Variants in WWOX observed in about 807,000 individuals in gnomAD.
WWOX encodes the protein WW domain containing oxidoreductase.
In WWOX, 69 loss-of-function variants were observed where a neutral mutation model predicts 46.2. The ratio of observed to expected loss-of-function variants is 1.49; its 90% CI spans 1.23 to 1.82. WWOX has a LOEUF of 1.82. Ranked by LOEUF, WWOX falls within the 40% of genes most tolerant of loss-of-function variation. The pLI is 0.00. For synonymous variants in WWOX, 359 were observed against 202.6 expected, an observed-to-expected ratio of 1.77 and a Z score of -6.56; for missense variants, 919 against 542.6, an observed-to-expected ratio of 1.69 and a Z score of -6.89.
chr16:78,766,446 G>A (rs2049926665), intron 8 of WWOX, among the ~76,000 whole-genome samples: 1 of 152,140 alleles, frequency 6.6e-6, no homozygotes, highest in African/African-American at 2.4e-5. Context: ...AATTTAGCCG[G>A]CTGTCGTGTC....
chr16:78,240,538 TGA>T (rs2037608206), intron 5 of WWOX, among the ~76,000 whole-genome samples: 1 of 152,050 alleles, frequency 6.6e-6, no homozygotes, highest in African/African-American at 2.4e-5. Flanking sequence ...TCCTGAACTG[TGA>T]GAGTCAGTTT....
chr16:78,514,956 A>C (rs556639256), intron 8 of WWOX, among the ~76,000 whole-genome samples: 5 of 152,168 alleles, frequency 3.3e-5, no homozygotes, highest in Non-Finnish European at 7.3e-5. Context: ...TTTGAGGCTC[A>C]TGGCTATAAT....
intron 5 of WWOX, among the ~76,000 whole-genome samples, chr16:78,240,707 G>A (rs370014932): frequency 1.3e-5 from 2 of 152,252 alleles, no homozygotes; most frequent in Admixed American, 1.3e-4. Flanking sequence ...CAGCCGTCTC[G>A]TGTTATGCAT....
Position 78,339,379 on chromosome 16 carries a change from A to C in WWOX, c.517-47481A>C, listed in dbSNP as rs1188080181. On this transcript the variant is annotated intron_variant, in intron 5 of 8. Transcript: ENST00000566780. Reference sequence around the variant, plus strand: ...TTCCTTTTATTAGAAAAAAAAAAAAAAACAACTCCCCTGGAGCCTTTGTAC... The same window carrying C: ...TTCCTTTTATTAGAAAAAAAAAAAACAACAACTCCCCTGGAGCCTTTGTAC... Among the ~76,000 whole-genome samples the C allele has an allele frequency of 7.1e-5, 8 of 113,196 alleles. No homozygotes were observed. The East Asian group carries it at 1.6e-3, about 22-fold the overall frequency. The allele number at this position is 113,196 out of a possible 152,430, so 74.3% of individuals were successfully genotyped here.
chr16:79,187,595 C>G (rs546630573), intron 8 of WWOX, among the ~76,000 whole-genome samples: 14 of 152,296 alleles, frequency 9.2e-5, no homozygotes, highest in African/African-American at 3.1e-4. Context: ...TTAGTGGAGA[C>G]AGGGTTTCAC....
chr16:78,991,094 G>A (rs1480474877), intron 8 of WWOX, among the ~76,000 whole-genome samples: 3 of 152,222 alleles, frequency 2.0e-5, no homozygotes, highest in Non-Finnish European at 4.4e-5. Context: ...GCTTCCCAAA[G>A]AAGAGTTGTG....
At chr16:78,905,491 C>A (rs971432287) in intron 8 of WWOX, among the ~76,000 whole-genome samples, 6 of 152,176 alleles carry the variant, frequency 3.9e-5, no homozygotes, top group Non-Finnish European at 8.8e-5. Flanking sequence ...AAGTAATCCT[C>A]CCACCTCAGC....
rs547706527 is a variant in WWOX at position 78,924,381 on chromosome 16, A to C, written c.1057-287227A>C. Among the ~76,000 whole-genome samples, 6 of 152,318 alleles carry C rather than the reference A, an allele frequency of 3.9e-5. No homozygotes were observed. The East Asian group carries it at 1.2e-3, about 29-fold the overall frequency. On this transcript the variant is annotated intron_variant, in intron 8 of 8. Transcript: ENST00000566780. ...GCCATCATATCATCATCAAAAATGGAACTTGTCTATCCACAAATATTTATT... is the reference window on the plus strand; with the variant it reads ...GCCATCATATCATCATCAAAAATGGCACTTGTCTATCCACAAATATTTATT...
chr16:78,516,720 C>G (rs2043243413), intron 8 of WWOX, among the ~76,000 whole-genome samples: 2 of 152,190 alleles, frequency 1.3e-5, no homozygotes, highest in Non-Finnish European at 2.9e-5. Flanking sequence ...ATGATCCTTA[C>G]TTAGCATAAT....
intron 8 of WWOX, among the ~76,000 whole-genome samples, chr16:78,603,171 A>G (rs1042776178): frequency 2.6e-5 from 4 of 152,170 alleles, no homozygotes; most frequent in African/African-American, 9.7e-5. Context: ...TATGCACATC[A>G]TCTTCTAACA....
intron 8 of WWOX, among the ~76,000 whole-genome samples, chr16:78,672,111 T>C (rs2047478703): frequency 6.6e-6 from 1 of 152,182 alleles, no homozygotes; most frequent in Non-Finnish European, 1.5e-5. Flanking sequence ...TTTGTAAAAG[T>C]TTAGGATACC....
At chr16:78,602,024 A>T (rs1033148474) in intron 8 of WWOX, among the ~76,000 whole-genome samples, 6 of 152,238 alleles carry the variant, frequency 3.9e-5, no homozygotes, top group Admixed American at 1.3e-4. Context: ...TTAGGGATAT[A>T]ATGAAATATC....
At chr16:78,732,676 G>A (rs770748257) in intron 8 of WWOX, among the ~76,000 whole-genome samples, 2 of 152,028 alleles carry the variant, frequency 1.3e-5, no homozygotes, top group Non-Finnish European at 2.9e-5. Context: ...ACCTAGATAG[G>A]TGCAGGCATA....
chr16:78,646,126 T>A (rs780211633), intron 8 of WWOX, among the ~76,000 whole-genome samples: 3 of 152,204 alleles, frequency 2.0e-5, no homozygotes, highest in Non-Finnish European at 4.4e-5. Context: ...AAGTCCCATC[T>A]GCCATGCCAA....
At chr16:79,204,688 C>T (rs778175403) in intron 8 of WWOX, 1 of 152,272 alleles carries the variant, frequency 6.6e-6, no homozygotes, top group East Asian at 1.9e-4. Context: ...CCCTTCAATC[C>T]TGCTGATAGC....
intron 8 of WWOX, among the ~76,000 whole-genome samples, chr16:78,733,717 T>C (rs1005250897): frequency 7.2e-5 from 11 of 151,938 alleles, no homozygotes; most frequent in Admixed American, 5.9e-4. Flanking sequence ...ATCATGCCAC[T>C]GCACTCCAGC....
intron 8 of WWOX, among the ~76,000 whole-genome samples, chr16:79,074,415 T>G: frequency 9.1e-6 from 1 of 109,756 alleles, no homozygotes; most frequent in African/African-American, 3.9e-5. Flanking sequence ...AGTCCTTTTT[T>G]TTTTTTTTTT....
intron 8 of WWOX, among the ~76,000 whole-genome samples, chr16:78,839,400 G>T (rs73577492): frequency 1.3e-5 from 2 of 152,030 alleles, no homozygotes; most frequent in East Asian, 3.9e-4. Context: ...GCTGAAACTT[G>T]TTGGTTTGGC....
chr16:78,841,793 A>G (rs940383732), intron 8 of WWOX, among the ~76,000 whole-genome samples: 1 of 152,212 alleles, frequency 6.6e-6, no homozygotes, highest in Non-Finnish European at 1.5e-5. Flanking sequence ...AAAATTTATG[A>G]CATATTACTT....
Sources: gnomAD v4.1 joint callset for allele counts (sites outside exome capture counted in the v4.1 genomes callset) on GRCh38, gnomAD v4.1.1 for gene constraint, MANE v1.5 for transcripts, NCBI Gene and HGNC (gene_info 2026-07-23, HGNC 2026-07-21) for gene names.